Variants in SLC14A2 observed in about 807,000 individuals in gnomAD.
SLC14A2 encodes urea transporter 2.
SLC14A2 carries 91 observed loss-of-function variants against 104.6 expected under a neutral mutation model. That is an observed-to-expected ratio of 0.87 (90% CI 0.73 to 1.04). The LOEUF is 1.04. Ranked by LOEUF, SLC14A2 falls within the 50% of genes least tolerant of loss-of-function variation. SLC14A2 has a pLI of 0.00. For missense variants in SLC14A2, 1,189 were observed against 1,156.0 expected, an observed-to-expected ratio of 1.03 and a Z score of -0.41; for synonymous variants, 476 against 466.4, an observed-to-expected ratio of 1.02 and a Z score of -0.27.
At chr18:45,424,632 C>A (rs904063925) in intron 1 of SLC14A2, among the ~76,000 whole-genome samples, 1 of 152,236 alleles carries the variant, frequency 6.6e-6, no homozygotes, top group African/African-American at 2.4e-5. Flanking sequence ...CATTTATAAT[C>A]ATCTCCATTG....
chr18:45,507,914 G>A (rs2043309142), intron 2 of SLC14A2, among the ~76,000 whole-genome samples: 1 of 152,188 alleles, frequency 6.6e-6, no homozygotes, highest in Non-Finnish European at 1.5e-5. Flanking sequence ...GAACCAACTA[G>A]AAAAACATGG....
At chr18:45,189,543 G>T in the SLC14A2 span, among the ~76,000 whole-genome samples, 1 of 152,200 alleles carries the variant, frequency 6.6e-6, no homozygotes, top group Non-Finnish European at 1.5e-5. Context: ...AAGTAGAGTA[G>T]AATGATTGAG....
At chr18:45,606,418 G>A (rs2044869041) in intron 2 of SLC14A2, among the ~76,000 whole-genome samples, 1 of 152,034 alleles carries the variant, frequency 6.6e-6, no homozygotes, top group Non-Finnish European at 1.5e-5. Context: ...CTCTAGAGGT[G>A]GGTCGGAAAT....
At chr18:45,519,888 C>T (rs1399191714) in intron 2 of SLC14A2, among the ~76,000 whole-genome samples, 3 of 152,304 alleles carry the variant, frequency 2.0e-5, no homozygotes, top group East Asian at 3.9e-4. Flanking sequence ...GGGACTCCTA[C>T]ACTAGGAATT....
chr18:45,663,686 C>G, intron 10 of SLC14A2, 99 bp from the exon 11 acceptor site: 1 of 1,379,016 alleles, frequency 7.3e-7, no homozygotes, highest in Non-Finnish European at 1.0e-6. Context: ...ACTGCTCTCT[C>G]CTTTCCAGCA....
chr18:45,451,807 G>A (rs980911725), intron 1 of SLC14A2, among the ~76,000 whole-genome samples: 1 of 152,098 alleles, frequency 6.6e-6, no homozygotes, highest in African/African-American at 2.4e-5. Context: ...AAGAATTATG[G>A]TTCAGCAACA....
intron 1 of SLC14A2, among the ~76,000 whole-genome samples, chr18:45,328,121 A>G (rs1026977858): frequency 6.6e-6 from 1 of 152,208 alleles, no homozygotes; most frequent in African/African-American, 2.4e-5. Context: ...TCCTGGAACA[A>G]AGGCTTTAGA....
At chr18:45,565,779 C>G (rs1207811246) in intron 2 of SLC14A2, among the ~76,000 whole-genome samples, 1 of 152,206 alleles carries the variant, frequency 6.6e-6, no homozygotes, top group African/African-American at 2.4e-5. Context: ...CTTCTAGGCA[C>G]AGGAAGGAAT....
At chr18:45,235,856 CATATAT>C (rs2084223687) in intron 1 of SLC14A2, among the ~76,000 whole-genome samples, 1 of 75,480 alleles carries the variant, frequency 1.3e-5, no homozygotes, top group African/African-American at 5.5e-5. Context: ...TGTATATATA[CATATAT>C]GTGTGTATAT....
intron 2 of SLC14A2, among the ~76,000 whole-genome samples, chr18:45,540,850 G>T (rs1169059551): frequency 6.6e-6 from 1 of 152,132 alleles, no homozygotes; most frequent in Non-Finnish European, 1.5e-5. Context: ...CTGGCACAGG[G>T]CTGGGCCTGC....
At chr18:45,656,330 G>GA (rs11405254) in intron 10 of SLC14A2, among the ~76,000 whole-genome samples, 114,188 of 152,054 alleles carry the variant, frequency 0.75, 43,796 homozygotes, top group Non-Finnish European at 0.83. Context: ...GAGGGCCAGT[G>GA]ATAAGGCCAG....
At position 45,625,877 on chromosome 18, in the gene SLC14A2, C is replaced by G; in HGVS notation, c.331+14C>G. 1.4e-6 allele frequency: 2 copies of G among 1,438,864 alleles called. No individual in the cohort carries two copies. The highest frequency in any genetic ancestry group is 1.8e-6 in the Non-Finnish European group (2 of 1,096,858). 89.1% of individuals were successfully genotyped at this position (1,438,864 alleles called of 1,614,324 possible). On this transcript the variant is annotated intron_variant, in intron 3 of 19. Transcript: ENST00000255226. ...TCTGGCTGAAAGGTAGGAAAATACC[C>G]TGGGGAGAGGCAGCCAGACCAGGCC...
intron 2 of SLC14A2, among the ~76,000 whole-genome samples, chr18:45,562,481 G>T: frequency 6.6e-6 from 1 of 152,170 alleles, no homozygotes; most frequent in East Asian, 1.9e-4. Flanking sequence ...GGCATTCCTG[G>T]CAGGGGGACA....
rs533279060 is a variant in SLC14A2 at position 45,643,333 on chromosome 18, C to A, written c.1176+152C>A. The A allele has an allele frequency of 5.6e-6, 4 of 708,192 alleles. No individual in the cohort carries two copies. In the South Asian group the frequency reaches 6.6e-5, roughly 12 times the overall value. The allele number at this position is 708,192 out of a possible 1,614,324, so 43.9% of individuals were successfully genotyped here. ...CTGTTAAGGTTTATCTAAGGTTGTC[C>A]GGAGGAGGATTGACAATTGCATACA... On this transcript the variant is annotated intron_variant, in intron 9 of 19. Transcript: ENST00000255226.
intron 1 of SLC14A2, among the ~76,000 whole-genome samples, chr18:45,453,866 T>G (rs1345647000): frequency 1.5e-5 from 2 of 135,970 alleles, no homozygotes; most frequent in Non-Finnish European, 3.1e-5. Flanking sequence ...TTTTTTTTTT[T>G]TTTTTTTTTT....
At chr18:45,214,511 T>G (rs1054231424) in intron 1 of SLC14A2, among the ~76,000 whole-genome samples, 1 of 152,222 alleles carries the variant, frequency 6.6e-6, no homozygotes, top group African/African-American at 2.4e-5. Flanking sequence ...GCTGCCTTTG[T>G]TGTAATGTTA....
upstream of SLC14A2, among the ~76,000 whole-genome samples, chr18:45,611,958 G>A (rs1568297982): frequency 6.6e-6 from 1 of 152,338 alleles, no homozygotes; most frequent in East Asian, 1.9e-4. Context: ...TTCATAGTCT[G>A]CAATCTTCAG....
chr18:45,613,096 G>T (rs551010488), upstream of SLC14A2, among the ~76,000 whole-genome samples: 1 of 152,090 alleles, frequency 6.6e-6, no homozygotes, highest in Non-Finnish European at 1.5e-5. Flanking sequence ...GTGCAGTAGC[G>T]CAATCTCGGC....
chr18:45,379,466 T>A (rs779399726), intron 1 of SLC14A2, among the ~76,000 whole-genome samples: 5 of 152,074 alleles, frequency 3.3e-5, no homozygotes, highest in African/African-American at 4.8e-5. Context: ...CCCACCCCCA[T>A]TCCCTTAACC....
Sources: gnomAD v4.1 joint callset for allele counts (sites outside exome capture counted in the v4.1 genomes callset) on GRCh38, gnomAD v4.1.1 for gene constraint, MANE v1.5 for transcripts, NCBI Gene and HGNC (gene_info 2026-07-23, HGNC 2026-07-21) for gene names.